OSTF1: variants seen among roughly 807,000 people sequenced by gnomAD.
OSTF1 encodes osteoclast-stimulating factor 1.
A neutral mutation model predicts 37.2 loss-of-function variants in OSTF1; 27 were observed. The observed-to-expected ratio is 0.73, with a 90% confidence interval of 0.54 to 1.00. OSTF1 has a LOEUF of 1.00. Ranked by LOEUF, OSTF1 falls within the 50% of genes least tolerant of loss-of-function variation. The probability of loss-of-function intolerance (pLI) is 0.00; values close to 1 mark genes in which losing one functional copy is unlikely to be tolerated. For synonymous variants in OSTF1, 82 were observed against 89.2 expected, an observed-to-expected ratio of 0.92 and a Z score of 0.46; for missense variants, 232 against 253.8, an observed-to-expected ratio of 0.91 and a Z score of 0.58.
At chr9:75,119,339 C>T (rs1825541626) in intron 2 of OSTF1, among the ~76,000 whole-genome samples, 1 of 152,202 alleles carries the variant, frequency 6.6e-6, no homozygotes, top group African/African-American at 2.4e-5. Context: ...TCTCCCAAGA[C>T]TTTGTCCATG....
At chr9:75,145,793 C>T (rs1490259340) in intron 9 of OSTF1, among the ~76,000 whole-genome samples, 1 of 152,132 alleles carries the variant, frequency 6.6e-6, no homozygotes, top group Non-Finnish European at 1.5e-5. Flanking sequence ...CCATCTTTGG[C>T]TAGTGGAGGC....
At chr9:75,138,887 A>G (rs372526115) in intron 8 of OSTF1, among the ~76,000 whole-genome samples, 26 of 152,062 alleles carry the variant, frequency 1.7e-4, no homozygotes, top group African/African-American at 6.3e-4. Context: ...ACACTGAGAG[A>G]ATGAGGTTTT....
chr9:75,131,495 A>T (rs2281661), intron 4 of OSTF1, among the ~76,000 whole-genome samples: 46,732 of 152,116 alleles, frequency 0.31, 7,318 homozygotes, highest in Non-Finnish European at 0.32. Flanking sequence ...TAACTCAGGT[A>T]TGCGGGTTTG....
rs529154280 is a variant in OSTF1, at chr9:75,130,656, G to A, written c.196+15G>A. ...AAGCAACTATGGTAAGTGTTGCTGAGTGGTTTTACTTTAGCTTCGTTCACT... is the reference window on the plus strand; with the variant it reads ...AAGCAACTATGGTAAGTGTTGCTGAATGGTTTTACTTTAGCTTCGTTCACT... On this transcript the variant is annotated intron_variant, in intron 4 of 9. Coordinates refer to ENST00000346234, the MANE Select transcript of OSTF1 (RefSeq NM_012383.5). The A allele has an allele frequency of 6.5e-5, 103 of 1,591,012 alleles. 3 individuals are homozygous for A. In the South Asian group the frequency reaches 1.1e-3, roughly 17 times the overall value.
chr9:75,095,168 T>C (rs1364728135), intron 1 of OSTF1, among the ~76,000 whole-genome samples: 1 of 152,256 alleles, frequency 6.6e-6, no homozygotes, highest in Admixed American at 6.5e-5. Flanking sequence ...TTCAATCTTT[T>C]GTTATAACAA....
In OSTF1 at chr9:75,140,844, A is replaced by C; in HGVS notation, c.498A>C (p.Thr166=). ...VQLLLAKGAR[T]DLRNIEKKLA... ...TCTTGTGTTGGGAAGGTGCTAGAAC[A>C]GACTTAAGAAACATTGAGAAGAAGC... The change falls in exon 9 of 10, where the codon ACA becomes ACC. Residue 166 remains threonine, a synonymous_variant. Coordinates refer to ENST00000346234, the MANE Select transcript of OSTF1 (RefSeq NM_012383.5). The C allele has an allele frequency of 6.2e-7, 1 of 1,612,994 alleles. No homozygotes were observed. Among genetic ancestry groups the C allele is most frequent in the Non-Finnish European group, 8.5e-7 (1 of 1,179,010 alleles).
At chr9:75,095,016 C>G (rs550572019) in intron 1 of OSTF1, among the ~76,000 whole-genome samples, 1 of 152,068 alleles carries the variant, frequency 6.6e-6, no homozygotes, top group Non-Finnish European at 1.5e-5. Context: ...GGTGACAGAG[C>G]GAGACCCTGT....
chr9:75,140,454 G>A (rs1304189511), intron 8 of OSTF1, among the ~76,000 whole-genome samples: 2 of 152,208 alleles, frequency 1.3e-5, no homozygotes, highest in Non-Finnish European at 2.9e-5. Context: ...CAGACTTACA[G>A]ATATAAAATA....
chr9:75,109,962 AT>A (rs534243440), intron 1 of OSTF1, among the ~76,000 whole-genome samples: 38 of 152,268 alleles, frequency 2.5e-4, no homozygotes, highest in African/African-American at 7.7e-4. Context: ...AGGTACAGAG[AT>A]TTCTCATATA....
intron 1 of OSTF1, among the ~76,000 whole-genome samples, chr9:75,095,898 T>TCCC (rs1825074633): frequency 6.9e-6 from 1 of 144,856 alleles, no homozygotes; most frequent in African/African-American, 2.6e-5. Context: ...TGGCCCCCCT[T>TCCC]TTTTTTTTTT....
chr9:75,117,516 T>A lies in OSTF1; in HGVS notation c.47T>A (p.Val16Asp). ...PKPVKPGQVK[V>D]FRALYTFEPR... Reference sequence around the variant, plus strand: ...CTTCCTTTTTTAGGGCAAGTTAAAGTCTTCAGAGCCCTGTATACGTTTGAA... The same window carrying A: ...CTTCCTTTTTTAGGGCAAGTTAAAGACTTCAGAGCCCTGTATACGTTTGAA... The change falls in exon 2 of 10, where the codon GTC becomes GAC. Residue 16 changes from valine (V) to aspartate (D), a missense_variant. Transcript: ENST00000346234. 1 of 1,610,886 alleles carries A rather than the reference T, an allele frequency of 6.2e-7. No individual in the cohort carries two copies. Among genetic ancestry groups the A allele is most frequent in the East Asian group, 2.2e-5 (1 of 44,848 alleles).
intron 1 of OSTF1, among the ~76,000 whole-genome samples, chr9:75,089,838 C>G (rs1181913022): frequency 6.6e-6 from 1 of 152,194 alleles, no homozygotes; most frequent in African/African-American, 2.4e-5. Context: ...CTATAGCTTT[C>G]ATACTTATCT....
chr9:75,113,490 C>T (rs554739551), intron 1 of OSTF1, among the ~76,000 whole-genome samples: 2 of 151,498 alleles, frequency 1.3e-5, no homozygotes, highest in South Asian at 4.2e-4. Context: ...GCTCTCTCGC[C>T]CAAGCTGGAG....
chr9:75,111,957 G>C (rs1439801410), intron 1 of OSTF1, among the ~76,000 whole-genome samples: 1 of 151,044 alleles, frequency 6.6e-6, no homozygotes, highest in Non-Finnish European at 1.5e-5. Flanking sequence ...CTGAGTAGCT[G>C]GGATTACAGG....
intron 1 of OSTF1, among the ~76,000 whole-genome samples, chr9:75,116,467 G>A (rs1346174020): frequency 6.6e-6 from 1 of 152,180 alleles, no homozygotes. Context: ...ATAGTCCGGA[G>A]TGTCATGGAA....
intron 2 of OSTF1, among the ~76,000 whole-genome samples, chr9:75,123,144 G>A (rs946947629): frequency 1.3e-5 from 2 of 152,194 alleles, no homozygotes; most frequent in East Asian, 1.9e-4. Context: ...AAGAAAGGCC[G>A]GGCGCAGTGG....
At chr9:75,129,483 G>A (rs946458742) in intron 3 of OSTF1, among the ~76,000 whole-genome samples, 28 of 152,200 alleles carry the variant, frequency 1.8e-4, no homozygotes, top group African/African-American at 6.5e-4. Context: ...ATCATCAAGG[G>A]CTACTAACAT....
At chr9:75,134,201 T>C (rs536803122) in intron 6 of OSTF1, 145 bp from the exon 7 acceptor site, 8 of 509,312 alleles carry the variant, frequency 1.6e-5, no homozygotes, top group Non-Finnish European at 2.8e-5. Flanking sequence ...TCTTAAGTTT[T>C]TCTATTTTAT....
chr9:75,091,154 C>T (rs576861526), intron 1 of OSTF1, among the ~76,000 whole-genome samples: 1 of 144,534 alleles, frequency 6.9e-6, no homozygotes, highest in Non-Finnish European at 1.5e-5. Flanking sequence ...GGCGCGATCT[C>T]GGCTCACTGC....
Sources: allele counts gnomAD v4.1 joint callset (sites outside exome capture counted in the v4.1 genomes callset), GRCh38; gene constraint gnomAD v4.1.1; transcripts MANE v1.5; gene names NCBI Gene and HGNC (gene_info 2026-07-23, HGNC 2026-07-21).